VSNL1: variants seen among roughly 807,000 people sequenced by gnomAD.
The protein encoded by VSNL1 is visinin like 1.
Under a neutral mutation model 20.4 loss-of-function variants are expected in VSNL1, and 6 were observed. The observed-to-expected ratio is 0.29, with a 90% CI of 0.16 to 0.58. The LOEUF is 0.58. Among genes scored for constraint, VSNL1 ranks in the 20% least tolerant of loss-of-function variants. VSNL1 has a pLI of 0.90. For missense variants in VSNL1, 100 were observed against 234.5 expected, an observed-to-expected ratio of 0.43 and a Z score of 3.75; for synonymous variants, 93 against 86.4, an observed-to-expected ratio of 1.08 and a Z score of -0.42.
intron 2 of VSNL1, among the ~76,000 whole-genome samples, chr2:17,596,244 G>A (rs1022960251): frequency 6.6e-6 from 1 of 152,162 alleles, no homozygotes; most frequent in African/African-American, 2.4e-5. Context: ...CTGTGTGTCT[G>A]GCCACAGAAG....
At chr2:17,584,531 A>G (rs1206306139) in intron 1 of VSNL1, among the ~76,000 whole-genome samples, 1 of 152,050 alleles carries the variant, frequency 6.6e-6, no homozygotes, top group South Asian at 2.1e-4. Flanking sequence ...AAAGCCAAAG[A>G]CCAATGTCCG....
intron 2 of VSNL1, among the ~76,000 whole-genome samples, chr2:17,606,644 G>A (rs1664950821): frequency 1.3e-5 from 2 of 152,132 alleles, no homozygotes; most frequent in African/African-American, 2.4e-5. Flanking sequence ...TGGGATCATA[G>A]GTCCTCATGC....
At chr2:17,597,092 A>G (rs764025411) in intron 2 of VSNL1, among the ~76,000 whole-genome samples, 2 of 152,176 alleles carry the variant, frequency 1.3e-5, no homozygotes, top group Non-Finnish European at 2.9e-5. Flanking sequence ...AATGTGCCCT[A>G]GTCAAATAGT....
intron 1 of VSNL1, among the ~76,000 whole-genome samples, chr2:17,554,793 A>G (rs764054349): frequency 1.1e-4 from 17 of 152,278 alleles, no homozygotes; most frequent in Non-Finnish European, 2.5e-4. Flanking sequence ...ATCACCTGCA[A>G]TCTATTACTA....
chr2:17,621,038 T>C (rs1267147784), intron 2 of VSNL1, among the ~76,000 whole-genome samples: 2 of 152,180 alleles, frequency 1.3e-5, no homozygotes, highest in Non-Finnish European at 2.9e-5. Context: ...GACTTATGGT[T>C]ACATAATGGT....
intron 2 of VSNL1, among the ~76,000 whole-genome samples, chr2:17,635,172 G>GGA (rs1339556439): frequency 6.6e-6 from 1 of 152,130 alleles, no homozygotes; most frequent in Non-Finnish European, 1.5e-5. Context: ...TCCGCCAGAG[G>GGA]GACTGGGCTG....
chr2:17,599,226 G>A (rs1664776259), intron 2 of VSNL1, among the ~76,000 whole-genome samples: 1 of 152,194 alleles, frequency 6.6e-6, no homozygotes, highest in Non-Finnish European at 1.5e-5. Context: ...GAACAGGAAA[G>A]ACAAGGAAGG....
chr2:17,643,404 T>C (rs1179817037), intron 2 of VSNL1, among the ~76,000 whole-genome samples: 1 of 152,308 alleles, frequency 6.6e-6, no homozygotes, highest in Middle Eastern at 3.4e-3. Flanking sequence ...GGCCAAGTGG[T>C]GAGCCTTCTG....
chr2:17,617,705 G>A (rs2343581), intron 2 of VSNL1, among the ~76,000 whole-genome samples: 5,704 of 152,176 alleles, frequency 0.037, 383 homozygotes, highest in African/African-American at 0.13. Context: ...ACAGTGAGGA[G>A]CAACACTAAG....
Position 17,655,421 on chromosome 2 carries a change from A to T in VSNL1, c.*27A>T, listed in dbSNP as rs1415789876. 6.3e-7 allele frequency: 1 copy of T among 1,593,868 alleles called. No homozygotes were observed. Among genetic ancestry groups the T allele is most frequent in the African/African-American group, 1.3e-5 (1 of 74,398 alleles). ...CTGATGTCAATGCTATGGACTGCAC[A>T]AAAGTCTCAATGTTCCATTCAGTCT... is the stretch of plus-strand genomic sequence containing the variant. On this transcript the variant is annotated 3_prime_UTR_variant, in exon 4 of 4. Transcript: ENST00000295156. The surrounding 1 kb of genome is among the most constrained non-coding windows in gnomAD (Gnocchi z 5.2).
intron 1 of VSNL1, among the ~76,000 whole-genome samples, chr2:17,565,902 G>C (rs935494747): frequency 6.6e-6 from 1 of 152,044 alleles, no homozygotes; most frequent in African/African-American, 2.4e-5. Context: ...GAGATCTGCT[G>C]GTTTTATAAG....
In VSNL1 at chr2:17,649,637, G is replaced by A; in HGVS notation, c.378+12G>A. On this transcript the variant is annotated intron_variant, in intron 3 of 3. Coordinates refer to ENST00000295156, the MANE Select transcript of VSNL1 (RefSeq NM_003385.5). The surrounding 1 kb of genome is among the most constrained non-coding windows in gnomAD (Gnocchi z 6.4). ...TGGAGATCATCGAGGTGAGGCCCGG[G>A]GTGTGGTTGGCGGGTGGTGGGCACA... The A allele has an allele frequency of 6.2e-7, 1 of 1,613,644 alleles. No individual in the cohort carries two copies. Among genetic ancestry groups the A allele is most frequent in the Non-Finnish European group, 8.5e-7 (1 of 1,179,870 alleles).
intron 1 of VSNL1, among the ~76,000 whole-genome samples, chr2:17,553,153 G>A (rs761345244): frequency 6.6e-6 from 1 of 152,122 alleles, no homozygotes; most frequent in African/African-American, 2.4e-5. Context: ...CTTATTAAGA[G>A]GAAACTTCTT....
chr2:17,615,637 G>C (rs1665197727), intron 2 of VSNL1, among the ~76,000 whole-genome samples: 1 of 152,160 alleles, frequency 6.6e-6, no homozygotes, highest in Non-Finnish European at 1.5e-5. Context: ...AAGAAGTTTG[G>C]AGCTGGACAT....
intron 1 of VSNL1, among the ~76,000 whole-genome samples, chr2:17,565,690 G>A (rs1663920641): frequency 6.6e-6 from 1 of 152,038 alleles, no homozygotes; most frequent in East Asian, 1.9e-4. Context: ...ATGTCTACAG[G>A]GCAAAAATAA....
Position 17,649,391 on chromosome 2 carries a change from C to T in VSNL1, c.163-19C>T, listed in dbSNP as rs774853344. 80 of 1,612,980 alleles carry T rather than the reference C, an allele frequency of 5.0e-5. No individual in the cohort carries two copies. The highest frequency in any genetic ancestry group is 5.9e-5 in the Non-Finnish European group (70 of 1,178,980). On this transcript the variant is annotated intron_variant, in intron 2 of 3. Transcript: ENST00000295156. The surrounding 1 kb of genome is among the most constrained non-coding windows in gnomAD (Gnocchi z 6.4). ...TCCATCCCCTCCCGACACCTGACTG[C>T]GCGTGTTCTCCTTTGCAGTTCTTTC...
intron 2 of VSNL1, among the ~76,000 whole-genome samples, chr2:17,613,204 GT>G (rs1665132282): frequency 1.3e-5 from 2 of 152,102 alleles, no homozygotes. Flanking sequence ...GAACAAGAAG[GT>G]CTATGGCTGT....
chr2:17,611,992 G>A (rs931397921), intron 2 of VSNL1, among the ~76,000 whole-genome samples: 2 of 152,146 alleles, frequency 1.3e-5, no homozygotes, highest in Non-Finnish European at 2.9e-5. Context: ...ACACAGAGGT[G>A]GGCAATGCAA....
chr2:17,572,350 G>A (rs1381307529), intron 1 of VSNL1, among the ~76,000 whole-genome samples: 2 of 152,116 alleles, frequency 1.3e-5, no homozygotes, highest in Non-Finnish European at 2.9e-5. Flanking sequence ...CATGCAGTAG[G>A]ATAAATGAGA....
Sources: gnomAD v4.1 joint callset for allele counts (sites outside exome capture counted in the v4.1 genomes callset) on GRCh38, gnomAD v4.1.1 for gene constraint, Gnocchi (gnomAD v3.1) non-coding constraint, MANE v1.5 for transcripts, NCBI Gene and HGNC (gene_info 2026-07-23, HGNC 2026-07-21) for gene names.